HIBCH: variants seen among roughly 807,000 people sequenced by gnomAD.
The protein encoded by HIBCH is 3-hydroxyisobutyryl-CoA hydrolase, mitochondrial.
HIBCH carries 50 observed loss-of-function variants against 58.2 expected under a neutral mutation model. That is an observed-to-expected ratio of 0.86 (90% CI 0.68 to 1.09). The LOEUF (loss-of-function observed/expected upper bound fraction) is 1.09, where lower values mean the gene tolerates loss of function less well. Ranked by LOEUF, HIBCH falls within the 50% of genes least tolerant of loss-of-function variation. The pLI is 0.00. For missense variants in HIBCH, 450 were observed against 449.7 expected (o/e 1.00, Z -0.01); for synonymous variants, 151 against 146.9 (o/e 1.03, Z -0.20).
chr2:190,287,638 C>A lies in HIBCH; in HGVS notation c.386G>T (p.Gly129Val). The A allele has an allele frequency of 6.2e-7, 1 of 1,609,752 alleles. No homozygotes were observed. The highest frequency in any genetic ancestry group is 1.7e-4 in the Middle Eastern group (1 of 6,022). Reference sequence around the variant, plus strand: ...TGCAACATAAGGTTTCTGGCAAGAACCTGAAAGAAACAGAGCTGTAATTTT... The same window carrying A: ...TGCAACATAAGGTTTCTGGCAAGAAACTGAAAGAAACAGAGCTGTAATTTT... The part of the protein sequence containing the change: ...REEYMLNNAV[G>V]SCQKPYVALI... The change falls in exon 6 of 14, where the codon GGT becomes GTT. Residue 129 changes from glycine to valine, a missense_variant and splice_region_variant. Transcript: ENST00000359678.
At chr2:190,198,137 A>C (rs1333310810) in intron 1 of HIBCH, among the ~76,000 whole-genome samples, 2 of 152,172 alleles carry the variant, frequency 1.3e-5, no homozygotes, top group Admixed American at 1.3e-4. Flanking sequence ...TACAGAACTA[A>C]AGGTAATTAA....
intron 1 of HIBCH, among the ~76,000 whole-genome samples, chr2:190,312,688 A>G (rs1575767396): frequency 6.6e-6 from 1 of 152,256 alleles, no homozygotes; most frequent in African/African-American, 2.4e-5. Context: ...AAAAGAGAGA[A>G]ACAACCTATT....
rs113451088 is a variant in HIBCH at position 190,217,172 on chromosome 2, A to T, written c.892-4097T>A. ...AGCTGGTCAGTCCCTTGCCTCCCCAAGTTCCTCCAGGGGTCAGTGGACCCT... is the reference window on the plus strand; with the variant it reads ...AGCTGGTCAGTCCCTTGCCTCCCCATGTTCCTCCAGGGGTCAGTGGACCCT... On this transcript the variant is annotated intron_variant, in intron 11 of 13. Transcript: ENST00000359678. The surrounding 1 kb of genome is among the most constrained non-coding windows in gnomAD (Gnocchi z 4.6). Among the ~76,000 whole-genome samples the T allele has an allele frequency of 3.5e-4, 54 of 152,278 alleles. No individual in the cohort carries two copies. The highest frequency in any genetic ancestry group is 1.2e-3 in the African/African-American group (49 of 41,558).
intron 1 of HIBCH, among the ~76,000 whole-genome samples, chr2:190,191,998 T>C (rs971399356): frequency 6.6e-6 from 1 of 152,156 alleles, no homozygotes; most frequent in Non-Finnish European, 1.5e-5. Flanking sequence ...TTTTCTTTCA[T>C]GGTTCATGCT....
chr2:190,294,935 C>A (rs574476464), intron 3 of HIBCH, among the ~76,000 whole-genome samples: 4 of 152,196 alleles, frequency 2.6e-5, no homozygotes, highest in Non-Finnish European at 4.4e-5. Context: ...CCAAGATGAA[C>A]AAATAAGGGC....
chr2:190,205,026 G>C lies in HIBCH; in HGVS notation c.*91C>G. The C allele has an allele frequency of 2.7e-6, 2 of 727,388 alleles. No individual in the cohort carries two copies. The highest frequency in any genetic ancestry group is 2.5e-6 in the Non-Finnish European group (1 of 394,724). The allele number at this position is 727,388 out of a possible 1,614,324, so 45.1% of individuals were successfully genotyped here. A position where few individuals can be genotyped will look rare whatever the true frequency, so the allele number is the denominator to read the frequency against. ...TGCGGAAACCATTCTTAGCTTACAGGGTATATAAAAACAGGCAGCAGGCTG... is the reference window on the plus strand; with the variant it reads ...TGCGGAAACCATTCTTAGCTTACAGCGTATATAAAAACAGGCAGCAGGCTG... On this transcript the variant is annotated 3_prime_UTR_variant, in exon 14 of 14. Transcript: ENST00000359678.
At chr2:190,277,299 G>T (rs1687579235) in intron 6 of HIBCH, among the ~76,000 whole-genome samples, 1 of 152,106 alleles carries the variant, frequency 6.6e-6, no homozygotes, top group Admixed American at 6.5e-5. Flanking sequence ...TAAAGATACT[G>T]TGCTACTCTT....
rs1685576821 is a variant in HIBCH, at chr2:190,217,135, C to G, written c.892-4060G>C. Reference sequence around the variant, plus strand: ...ACCCAGCAGGGCCCGACCAAAGGCACCCTGGGAAGCCAGCTGGTCAGTCCC... The same window carrying G: ...ACCCAGCAGGGCCCGACCAAAGGCAGCCTGGGAAGCCAGCTGGTCAGTCCC... On this transcript the variant is annotated intron_variant, in intron 11 of 13. Coordinates refer to ENST00000359678, the MANE Select transcript of HIBCH (RefSeq NM_014362.4). The surrounding 1 kb of genome is among the most constrained non-coding windows in gnomAD (Gnocchi z 4.6). 6.6e-6 allele frequency among the ~76,000 whole-genome samples: 1 copy of G among 152,220 alleles called. No homozygotes were observed. The highest frequency in any genetic ancestry group is 2.4e-5 in the African/African-American group (1 of 41,458).
intron 11 of HIBCH, among the ~76,000 whole-genome samples, chr2:190,229,191 T>C (rs1686016159): frequency 6.6e-6 from 1 of 152,226 alleles, no homozygotes; most frequent in Admixed American, 6.5e-5. Context: ...GAACTCTAAC[T>C]GTTTGGAATT....
At chr2:190,275,617 A>C (rs760718456) in intron 6 of HIBCH, among the ~76,000 whole-genome samples, 3 of 152,226 alleles carry the variant, frequency 2.0e-5, no homozygotes, top group Non-Finnish European at 4.4e-5. Flanking sequence ...GTGTAGAAGA[A>C]AAGTAAAATC....
rs935529946 is a variant in HIBCH at position 190,197,075 on chromosome 2, C to G, written c.*18-7078G>C. 6.6e-6 allele frequency among the ~76,000 whole-genome samples: 1 copy of G among 152,100 alleles called. No homozygotes were observed. The highest frequency in any genetic ancestry group is 2.4e-5 in the African/African-American group (1 of 41,414). On this transcript the variant is annotated intron_variant, in intron 1 of 1. Transcript: ENST00000399855. This position sits in a 1 kb window ranked among gnomAD's most constrained non-coding sequence, Gnocchi z 4.0. ...ATGTCAGTAGGGGCAAGGGAACTCT[C>G]TGGGGTCTCTTTTATGAGAGCACTA...
chr2:190,219,548 C>A (rs1685656764), intron 11 of HIBCH, among the ~76,000 whole-genome samples: 1 of 152,100 alleles, frequency 6.6e-6, no homozygotes, highest in African/African-American at 2.4e-5. Context: ...ATCGGCCTGC[C>A]CAGCAACTTA....
At chr2:190,198,817 T>C (rs1179305519) in intron 1 of HIBCH, among the ~76,000 whole-genome samples, 1 of 152,154 alleles carries the variant, frequency 6.6e-6, no homozygotes, top group Non-Finnish European at 1.5e-5. Context: ...TTAGTTATCC[T>C]TAAGTCCCTT....
Position 190,204,580 on chromosome 2 carries a change from T to C in HIBCH, c.*537A>G, listed in dbSNP as rs993728211. On this transcript the variant is annotated 3_prime_UTR_variant, in exon 14 of 14. Coordinates refer to ENST00000359678, the MANE Select transcript of HIBCH (RefSeq NM_014362.4). ...ACACTCATATATGGAGAAAATTCTATGAGGCATTAACACAGTATCCAAAAC... is the reference window on the plus strand; with the variant it reads ...ACACTCATATATGGAGAAAATTCTACGAGGCATTAACACAGTATCCAAAAC... 1 of 154,362 alleles carries C rather than the reference T, an allele frequency of 6.5e-6. No homozygotes were observed. Among genetic ancestry groups the C allele is most frequent in the Non-Finnish European group, 1.4e-5 (1 of 69,522 alleles). The allele number at this position is 154,362 out of a possible 1,614,324, so 9.6% of individuals were successfully genotyped here. A position where few individuals can be genotyped will look rare whatever the true frequency, so the allele number is the denominator to read the frequency against.
At chr2:190,283,145 T>C (rs13408482) in intron 6 of HIBCH, among the ~76,000 whole-genome samples, 331 of 152,338 alleles carry the variant, frequency 2.2e-3, no homozygotes, top group African/African-American at 7.2e-3. Flanking sequence ...TAAGATTTGT[T>C]AGATATGAGT....
At chr2:190,257,652 G>T (rs1686964101) in intron 7 of HIBCH, among the ~76,000 whole-genome samples, 1 of 152,076 alleles carries the variant, frequency 6.6e-6, no homozygotes, top group Non-Finnish European at 1.5e-5. Context: ...ACAGACCGGG[G>T]TAATTTAGAA....
chr2:190,309,519 A>G (rs1355964912), intron 2 of HIBCH, among the ~76,000 whole-genome samples: 10 of 152,068 alleles, frequency 6.6e-5, no homozygotes, highest in South Asian at 4.1e-4. Flanking sequence ...AATAGCTAAC[A>G]TGTATAAAAT....
rs543139892 is a variant in HIBCH, at chr2:190,284,904, A to G, written c.438+2682T>C. On this transcript the variant is annotated intron_variant, in intron 6 of 13. Coordinates refer to ENST00000359678, the MANE Select transcript of HIBCH (RefSeq NM_014362.4). ...TTTTTACTTAAAGTCTTATTTCATTATATCTGATCATCATTTCTGTTCCAA... is the reference window on the plus strand; with the variant it reads ...TTTTTACTTAAAGTCTTATTTCATTGTATCTGATCATCATTTCTGTTCCAA... 5.3e-5 allele frequency among the ~76,000 whole-genome samples: 8 copies of G among 152,238 alleles called. No homozygotes were observed. The South Asian group carries it at 1.7e-3, about 32-fold the overall frequency.
At chr2:190,305,747 A>G (rs1038200610) in intron 2 of HIBCH, among the ~76,000 whole-genome samples, 7 of 152,216 alleles carry the variant, frequency 4.6e-5, no homozygotes, top group Non-Finnish European at 2.9e-5. Flanking sequence ...CTAAAACTGT[A>G]AAATAATAAA....
Sources: allele counts gnomAD v4.1 joint callset (sites outside exome capture counted in the v4.1 genomes callset), GRCh38; gene constraint gnomAD v4.1.1; non-coding constraint Gnocchi (gnomAD v3.1); transcripts MANE v1.5; gene names NCBI Gene and HGNC (gene_info 2026-07-23, HGNC 2026-07-21).